The following PTPRM variants were observed in gnomAD, a reference collection of about 807,000 sequenced individuals.
The protein encoded by PTPRM is protein tyrosine phosphatase receptor type M, also known as receptor-type tyrosine-protein phosphatase mu.
Under a neutral mutation model 186.7 loss-of-function variants are expected in PTPRM, and 47 were observed. The observed-to-expected ratio is 0.25, with a 90% CI of 0.20 to 0.32. The LOEUF (loss-of-function observed/expected upper bound fraction) is 0.32. Among genes scored for constraint, PTPRM ranks in the 10% least tolerant of loss-of-function variants. The pLI is 1.00. For synonymous variants in PTPRM, 668 were observed against 674.9 expected, an observed-to-expected ratio of 0.99 and a Z score of 0.16; for missense variants, 1,494 against 1,865.0, an observed-to-expected ratio of 0.80 and a Z score of 3.66.
At chr18:8,380,531 C>T (rs2095726615) in intron 29 of PTPRM, 104 bp downstream of exon 29, 3 of 1,358,744 alleles carry the variant, frequency 2.2e-6, no homozygotes, top group Non-Finnish European at 3.1e-6. Flanking sequence ...AGTGCCAGAT[C>T]TCAAGTGCCA....
At chr18:7,602,515 A>T (rs1161792303) in intron 1 of PTPRM, among the ~76,000 whole-genome samples, 1 of 150,986 alleles carries the variant, frequency 6.6e-6, no homozygotes, top group Non-Finnish European at 1.5e-5. Context: ...GTAACTTTGA[A>T]CTCCTGGGCT....
In PTPRM at chr18:8,076,452, T is replaced by C; in HGVS notation, c.1442-3T>C. 6.5e-7 allele frequency: 1 copy of C among 1,546,114 alleles called. No individual in the cohort carries two copies. ...ACATTTATTTCCTCCCACCCTCCTT[T>C]AGTCCCAGGTGCTGTTCCCACTGAA... On this transcript the variant is annotated splice_polypyrimidine_tract_variant and splice_region_variant and intron_variant, in intron 8 of 32. Coordinates refer to ENST00000580170, the MANE Select transcript of PTPRM (RefSeq NM_001105244.2).
chr18:7,761,551 C>T (rs758732077), intron 1 of PTPRM, among the ~76,000 whole-genome samples: 93 of 152,230 alleles, frequency 6.1e-4, no homozygotes, highest in Non-Finnish European at 1.1e-3. Context: ...TAGATTCTTA[C>T]ATTTAGGTAC....
chr18:7,654,922 T>G (rs1054172317), intron 1 of PTPRM, among the ~76,000 whole-genome samples: 1 of 152,238 alleles, frequency 6.6e-6, no homozygotes, highest in Non-Finnish European at 1.5e-5. Flanking sequence ...TAGGATTGCA[T>G]TGGCTATTCA....
chr18:8,083,531 T>C (rs1600466066), intron 9 of PTPRM, among the ~76,000 whole-genome samples: 1 of 152,146 alleles, frequency 6.6e-6, no homozygotes, highest in African/African-American at 2.4e-5. Context: ...CTCTCTCCCC[T>C]GACAGTTCTC....
At chr18:7,894,105 G>A (rs1329625827) in intron 3 of PTPRM, among the ~76,000 whole-genome samples, 1 of 152,086 alleles carries the variant, frequency 6.6e-6, no homozygotes, top group Non-Finnish European at 1.5e-5. Context: ...CTAGTCCATG[G>A]GGCCAGCACA....
intron 14 of PTPRM, among the ~76,000 whole-genome samples, chr18:8,229,853 A>G (rs772500609): frequency 1.3e-5 from 2 of 152,204 alleles, no homozygotes; most frequent in Non-Finnish European, 2.9e-5. Context: ...ACACACATGT[A>G]CCAAGAGATC....
intron 4 of PTPRM, among the ~76,000 whole-genome samples, chr18:7,915,104 A>G (rs1435988786): frequency 6.6e-6 from 1 of 152,166 alleles, no homozygotes; most frequent in Non-Finnish European, 1.5e-5. Context: ...ATCTTGGTCA[A>G]TGATAATTCT....
At chr18:7,583,912 T>C (rs1484147570) in intron 1 of PTPRM, among the ~76,000 whole-genome samples, 1 of 152,190 alleles carries the variant, frequency 6.6e-6, no homozygotes, top group Non-Finnish European at 1.5e-5. Context: ...TGGGAGGCCC[T>C]AGGAGACTGA....
intron 14 of PTPRM, among the ~76,000 whole-genome samples, chr18:8,216,188 C>G (rs1601282053): frequency 6.6e-6 from 1 of 152,200 alleles, no homozygotes; most frequent in East Asian, 1.9e-4. Context: ...CCCCGGTTCT[C>G]TCTCTCTCTT....
At chr18:8,175,359 A>C (rs2093465525) in intron 14 of PTPRM, among the ~76,000 whole-genome samples, 2 of 152,204 alleles carry the variant, frequency 1.3e-5, no homozygotes, top group South Asian at 4.1e-4. Flanking sequence ...GGAGTGAATA[A>C]ATATTCACCC....
intron 1 of PTPRM, among the ~76,000 whole-genome samples, chr18:7,577,751 C>T (rs2036726012): frequency 6.6e-6 from 1 of 152,152 alleles, no homozygotes; most frequent in East Asian, 1.9e-4. Flanking sequence ...GTCATTGGCT[C>T]TCATTGGCAT....
At chr18:8,126,022 TA>T (rs764988071) in intron 13 of PTPRM, among the ~76,000 whole-genome samples, 552 of 38,024 alleles carry the variant, frequency 0.015, 42 homozygotes, top group East Asian at 0.12. Flanking sequence ...TATATATATA[TA>T]TATATTTTAA....
intron 14 of PTPRM, among the ~76,000 whole-genome samples, chr18:8,199,454 G>A (rs564846300): frequency 1.3e-5 from 2 of 152,074 alleles, no homozygotes; most frequent in Admixed American, 6.5e-5. Context: ...TGTGTCTGCC[G>A]GTCAGCAGAG....
At chr18:8,072,669 A>C (rs1219451246) in intron 8 of PTPRM, among the ~76,000 whole-genome samples, 1 of 152,174 alleles carries the variant, frequency 6.6e-6, no homozygotes, top group African/African-American at 2.4e-5. Context: ...GTTTTATTAT[A>C]GTATAATACT....
chr18:7,979,033 T>C (rs2055154069), intron 7 of PTPRM, among the ~76,000 whole-genome samples: 1 of 152,164 alleles, frequency 6.6e-6, no homozygotes. Context: ...TGGGTGACCT[T>C]ATCTATAAGC....
intron 19 of PTPRM, among the ~76,000 whole-genome samples, chr18:8,260,896 G>A (rs924459438): frequency 1.3e-5 from 2 of 152,220 alleles, no homozygotes; most frequent in East Asian, 3.9e-4. Context: ...GGCAGAGGGA[G>A]AATTGCACAC....
intron 2 of PTPRM, among the ~76,000 whole-genome samples, chr18:7,855,078 A>C (rs1311555177): frequency 6.6e-6 from 1 of 152,142 alleles, no homozygotes; most frequent in Non-Finnish European, 1.5e-5. Flanking sequence ...ATATTCTTGA[A>C]TATATCTATT....
intron 11 of PTPRM, among the ~76,000 whole-genome samples, chr18:8,105,320 C>T (rs1325317128): frequency 6.6e-6 from 1 of 152,146 alleles, no homozygotes; most frequent in East Asian, 1.9e-4. Context: ...AAAAATAATA[C>T]TCTGGATTCC....
Sources: allele counts gnomAD v4.1 joint callset (sites outside exome capture counted in the v4.1 genomes callset), GRCh38; gene constraint gnomAD v4.1.1; transcripts MANE v1.5; gene names NCBI Gene and HGNC (gene_info 2026-07-23, HGNC 2026-07-21).